PCYT2: variants seen among roughly 807,000 people sequenced by gnomAD.
PCYT2 encodes the protein ethanolamine-phosphate cytidylyltransferase.
A neutral mutation model predicts 50.0 loss-of-function variants in PCYT2; 33 were observed. The observed-to-expected ratio is 0.66, with a 90% CI of 0.50 to 0.88. The LOEUF (loss-of-function observed/expected upper bound fraction) is 0.88, where lower values mean the gene tolerates loss of function less well. Ranked by LOEUF, PCYT2 falls within the 40% of genes least tolerant of loss-of-function variation. PCYT2 has a pLI of 0.00. For missense variants in PCYT2, 430 were observed against 519.7 expected (o/e 0.83, Z 1.68); for synonymous variants, 240 against 203.7 (o/e 1.18, Z -1.52).
At position 81,904,902 on chromosome 17, in the gene PCYT2, C is replaced by T. The variant is rs2040158478; in HGVS notation, c.1101G>A (p.Glu367=). Residue 367 remains glutamate (E), a synonymous_variant, in exon 13 of 13, where the codon GAG becomes GAA. Transcript: ENST00000538936. ...GCCTGGCAGCCTCCAGGAAGGCCAG[C>T]TCCTTGGCTTCCTTCTTCTGGTTTC... ...EARNQKKEAK[E]LAFLEAARQQ... The T allele has an allele frequency of 6.2e-7, 1 of 1,612,912 alleles. No homozygotes were observed. Among genetic ancestry groups the T allele is most frequent in the East Asian group, 2.2e-5 (1 of 44,882 alleles).
rs979383223 is a variant in PCYT2, at chr17:81,911,341, C to T, written c.15G>A (p.Gly5=). ...GCTCTGCGCCGCCTGCAGCCCCGCG[C>T]CCGTTCCGGATCATGGCCCCGCAGC... MIRN[G]RGAAGGAEQP... is the part of the protein sequence containing the mutation. The change falls in exon 1 of 13, where the codon GGG becomes GGA. Residue 5 remains glycine, a synonymous_variant. Coordinates refer to ENST00000538936, the MANE Select transcript of PCYT2 (RefSeq NM_002861.5). The T allele has an allele frequency of 2.7e-6, 3 of 1,102,846 alleles. No individual in the cohort carries two copies. In the African/African-American group the frequency reaches 5.1e-5, roughly 19 times the overall value. The allele number at this position is 1,102,846 out of a possible 1,614,324, so 68.3% of individuals were successfully genotyped here.
chr17:81,906,706 C>T (rs556808534), intron 7 of PCYT2, 54 bp downstream of exon 7: 29 of 1,602,876 alleles, frequency 1.8e-5, no homozygotes, highest in East Asian at 8.9e-5. Flanking sequence ...GTGAGGCCCC[C>T]GGGTCCCACC....
In PCYT2 at chr17:81,902,497, C is replaced by G. The variant is rs1341445669; in HGVS notation, c.*2336G>C. On this transcript the variant is annotated 3_prime_UTR_variant, in exon 13 of 13. Transcript: ENST00000538936. ...GGGCGGGGCCGGCGCCTCCCCGGAG[C>G]TGCAACTGCACCCCAGGCTGCGGAG... The G allele has an allele frequency of 2.8e-6, 4 of 1,417,838 alleles. No homozygotes were observed. Among genetic ancestry groups the G allele is most frequent in the Middle Eastern group, 2.2e-4 (1 of 4,638 alleles). The allele number at this position is 1,417,838 out of a possible 1,614,324, so 87.8% of individuals were successfully genotyped here. A position where few individuals can be genotyped will look rare whatever the true frequency, so the allele number is the denominator to read the frequency against.
In PCYT2 at chr17:81,909,025, T is replaced by A; in HGVS notation, c.191A>T (p.Lys64Met). ...VGVHTDEEIA[K>M]HKGPPVFTQE... is the part of the protein sequence containing the mutation. ...AGTGAACACCGGGGGCCCCTTGTGCTTGGCGATCTCCTCTAGGAAAAGGAC... is the reference window on the plus strand; with the variant it reads ...AGTGAACACCGGGGGCCCCTTGTGCATGGCGATCTCCTCTAGGAAAAGGAC... The change falls in exon 3 of 13, where the codon AAG becomes ATG. Residue 64 changes from lysine to methionine, a missense_variant. Transcript: ENST00000538936. 1 of 1,613,640 alleles carries A rather than the reference T, an allele frequency of 6.2e-7. No homozygotes were observed. The highest frequency in any genetic ancestry group is 1.1e-5 in the South Asian group (1 of 91,068).
rs936381545 is a variant in PCYT2 at position 81,907,545 on chromosome 17, C to A, written c.537+9G>T. ...GCGTGCTCAGCTCTCCCTGCACAGCCGCACTCACCTTGCCAAAACTGTCTG... is the reference window on the plus strand; with the variant it reads ...GCGTGCTCAGCTCTCCCTGCACAGCAGCACTCACCTTGCCAAAACTGTCTG... On this transcript the variant is annotated intron_variant, in intron 6 of 12. Coordinates refer to ENST00000538936, the MANE Select transcript of PCYT2 (RefSeq NM_002861.5). 6.2e-7 allele frequency: 1 copy of A among 1,607,078 alleles called. No individual in the cohort carries two copies. Among genetic ancestry groups the A allele is most frequent in the Admixed American group, 1.7e-5 (1 of 58,974 alleles).
chr17:81,911,040 C>CG, intron 1 of PCYT2: 2 of 997,626 alleles, frequency 2.0e-6, no homozygotes, highest in Non-Finnish European at 2.4e-6. Flanking sequence ...TCGGCGTGAC[C>CG]GGGCGGGGCC....
Position 81,908,893 on chromosome 17 carries a change from T to C in PCYT2, c.323A>G (p.Asp108Gly). The C allele has an allele frequency of 6.2e-7, 1 of 1,613,756 alleles. No individual in the cohort carries two copies. Among genetic ancestry groups the C allele is most frequent in the Non-Finnish European group, 8.5e-7 (1 of 1,179,900 alleles). ...CCACTCACTGCCGTGAACACAGAAG[T>C]CACAGTTGTATTTGTCCAGGGTCTC... is the stretch of plus-strand genomic sequence containing the variant. ...TLETLDKYNC[D>G]FCVHGNDITL... The change falls in exon 3 of 13, where the codon GAC (aspartate) becomes GGC (glycine). Residue 108 changes from aspartate (D) to glycine (G), a missense_variant. Asp to Gly is a moderately conservative substitution (Grantham distance 94). This residue lies in a region of PCYT2 where 117 missense variants were observed against 163.9 expected (regional missense o/e 0.71). Coordinates refer to ENST00000538936, the MANE Select transcript of PCYT2 (RefSeq NM_002861.5).
At position 81,901,615 on chromosome 17, in the gene PCYT2, G is replaced by C. The variant is rs571930327; in HGVS notation, c.*3218C>G. 25 of 152,476 alleles carry C rather than the reference G, an allele frequency of 1.6e-4. No homozygotes were observed. Among genetic ancestry groups the C allele is most frequent in the African/African-American group, 6.0e-4 (25 of 41,568 alleles). 9.4% of individuals were successfully genotyped at this position (152,476 alleles called of 1,614,324 possible). ...GGCTGATGTCACCTGCCAGGAGAGC[G>C]GCTGGCAGTCCTGCCTGGTGCCCCC... On this transcript the variant is annotated 3_prime_UTR_variant, in exon 13 of 13. Coordinates refer to ENST00000538936, the MANE Select transcript of PCYT2 (RefSeq NM_002861.5).
chr17:81,906,012 C>A, intron 9 of PCYT2, 88 bp downstream of exon 9: 1 of 1,226,458 alleles, frequency 8.2e-7, no homozygotes. Flanking sequence ...ACCCAAGCCC[C>A]CCTGCCCTGG....
chr17:81,904,689 T>C lies in PCYT2; in HGVS notation c.*144A>G, dbSNP rs778206205. ...GAGAGCCTGCTGCAAACCAGGCACC[T>C]TGTAGGCAGGCAAGGAGGCAGAGTC... On this transcript the variant is annotated 3_prime_UTR_variant, in exon 13 of 13. Transcript: ENST00000538936. 1.8e-5 allele frequency: 11 copies of C among 611,398 alleles called. No homozygotes were observed. In the African/African-American group the frequency reaches 1.8e-4, roughly 10 times the overall value. The allele number at this position is 611,398 out of a possible 1,614,324, so 37.9% of individuals were successfully genotyped here.
At position 81,902,796 on chromosome 17, in the gene PCYT2, C is replaced by A; in HGVS notation, c.*2037G>T. 6.5e-7 allele frequency: 1 copy of A among 1,548,748 alleles called. No individual in the cohort carries two copies. The highest frequency in any genetic ancestry group is 8.7e-7 in the Non-Finnish European group (1 of 1,148,422). ...CTGGGGGCCCCCCGCCCCCACCGTCCCACTCGGTGACCCCAGGCCCCTCCG... is the reference window on the plus strand; with the variant it reads ...CTGGGGGCCCCCCGCCCCCACCGTCACACTCGGTGACCCCAGGCCCCTCCG... On this transcript the variant is annotated 3_prime_UTR_variant, in exon 13 of 13. Coordinates refer to ENST00000538936, the MANE Select transcript of PCYT2 (RefSeq NM_002861.5).
At position 81,905,428 on chromosome 17, in the gene PCYT2, C is replaced by T. The variant is rs866509326; in HGVS notation, c.923G>A (p.Gly308Asp). The T allele has an allele frequency of 6.4e-7, 1 of 1,566,680 alleles. No individual in the cohort carries two copies. Among genetic ancestry groups the T allele is most frequent in the Non-Finnish European group, 8.7e-7 (1 of 1,155,638 alleles). ...SHFKVDLVCHGKTEIIPDRDG... is the reference protein window; with the variant it reads ...SHFKVDLVCHDKTEIIPDRDG... ...CCTGTCAGGGATAATTTCTGTCTTGCCGTGACACACCAGGTCCACCTGGAG... is the reference window on the plus strand; with the variant it reads ...CCTGTCAGGGATAATTTCTGTCTTGTCGTGACACACCAGGTCCACCTGGAG... The change falls in exon 11 of 13, where the codon GGC (glycine) becomes GAC (aspartate). Residue 308 changes from glycine (G) to aspartate (D), a missense_variant. By Grantham distance (94) the Gly-to-Asp change is moderately conservative. Transcript: ENST00000538936.
Position 81,902,264 on chromosome 17 carries a change from C to A in PCYT2, c.*2569G>T. On this transcript the variant is annotated 3_prime_UTR_variant, in exon 13 of 13. Coordinates refer to ENST00000538936, the MANE Select transcript of PCYT2 (RefSeq NM_002861.5). ...AGCCCGGACGCCGCCGCCCACCAGT[C>A]AGCCGGCGTCCCCATGGCCCGGTCC... is the stretch of plus-strand genomic sequence containing the variant. 8.0e-7 allele frequency: 1 copy of A among 1,243,258 alleles called. No homozygotes were observed. Among genetic ancestry groups the A allele is most frequent in the South Asian group, 3.4e-5 (1 of 29,592 alleles). The allele number at this position is 1,243,258 out of a possible 1,614,324, so 77.0% of individuals were successfully genotyped here. A position where few individuals can be genotyped will look rare whatever the true frequency, so the allele number is the denominator to read the frequency against.
rs935804253 is a variant in PCYT2, at chr17:81,911,060, G to C, written c.89+207C>G. ...GTGACCGGGCGGGGCCTCCGCCAGAGGTAGACGGGGTCGCCCACGGCAGGG... is the reference window on the plus strand; with the variant it reads ...GTGACCGGGCGGGGCCTCCGCCAGACGTAGACGGGGTCGCCCACGGCAGGG... On this transcript the variant is annotated intron_variant, in intron 1 of 12. Transcript: ENST00000538936. 12 of 1,001,226 alleles carry C rather than the reference G, an allele frequency of 1.2e-5. No individual in the cohort carries two copies. The African/African-American group carries it at 1.9e-4, about 16-fold the overall frequency. 62.0% of individuals were successfully genotyped at this position (1,001,226 alleles called of 1,614,324 possible).
rs966506948 is a variant in PCYT2, at chr17:81,906,338, C to G, written c.759+126G>C. On this transcript the variant is annotated intron_variant, in intron 8 of 12. Transcript: ENST00000538936. ...GGACCCCAGAAGCCTACGATCACCC[C>G]CCAGGGTCTCCTGTGACTTCACCTG... The G allele has an allele frequency of 7.0e-6, 8 of 1,143,576 alleles. No individual in the cohort carries two copies. The African/African-American group carries it at 9.2e-5, about 13-fold the overall frequency. The allele number at this position is 1,143,576 out of a possible 1,614,324, so 70.8% of individuals were successfully genotyped here.
chr17:81,907,492 C>T, intron 6 of PCYT2, 62 bp downstream of exon 6: 1 of 1,529,382 alleles, frequency 6.5e-7, no homozygotes, highest in Non-Finnish European at 8.9e-7. Flanking sequence ...ATGGCTGGGA[C>T]AGGTGGCCGG....
Position 81,904,597 on chromosome 17 carries a change from C to A in PCYT2, c.*236G>T. On this transcript the variant is annotated 3_prime_UTR_variant, in exon 13 of 13. Transcript: ENST00000538936. ...CGTTTCAGGCTGCAGGTGCCGTCTG[C>A]CCGTCTCACTTCCGGCCTCTCCACT... The A allele has an allele frequency of 2.0e-6, 1 of 510,304 alleles. No individual in the cohort carries two copies. 31.6% of individuals were successfully genotyped at this position (510,304 alleles called of 1,614,324 possible).
rs1230162875 is a variant in PCYT2, at chr17:81,902,722, C to G, written c.*2111G>C. On this transcript the variant is annotated 3_prime_UTR_variant, in exon 13 of 13. Transcript: ENST00000538936. ...CAAGGCGAACGTCTTCCTGTCCCTG[C>G]GCGCAGCCGACTGCCTCGCCGCCTG... 4 of 1,608,100 alleles carry G rather than the reference C, an allele frequency of 2.5e-6. No homozygotes were observed. In the South Asian group the frequency reaches 3.3e-5, roughly 13 times the overall value.
Position 81,903,709 on chromosome 17 carries a change from C to A in PCYT2, c.*1124G>T, listed in dbSNP as rs2040080556. The A allele has an allele frequency of 6.6e-6, 1 of 152,292 alleles. No homozygotes were observed. The highest frequency in any genetic ancestry group is 2.4e-5 in the African/African-American group (1 of 41,436). 9.4% of individuals were successfully genotyped at this position (152,292 alleles called of 1,614,324 possible). A position where few individuals can be genotyped will look rare whatever the true frequency, so the allele number is the denominator to read the frequency against. ...CCTTCCTGGGCTGTGGAGAGCCTCG[C>A]GTGCACCTCGCCTCCAGCTCCTGTG... On this transcript the variant is annotated 3_prime_UTR_variant, in exon 13 of 13. Transcript: ENST00000538936.
Sources: allele counts gnomAD v4.1 joint callset, GRCh38; gene constraint gnomAD v4.1.1; regional missense constraint gnomAD v4.1.1; transcripts MANE v1.5; gene names NCBI Gene and HGNC (gene_info 2026-07-23, HGNC 2026-07-21).